The following LRMDA variants were observed in gnomAD, a reference collection of about 807,000 sequenced individuals.
LRMDA encodes the protein leucine rich melanocyte differentiation associated.
A neutral mutation model predicts 29.8 loss-of-function variants in LRMDA; 18 were observed. That is an observed-to-expected ratio of 0.60 (90% CI 0.42 to 0.90). LRMDA has a LOEUF of 0.90. Among genes scored for constraint, LRMDA ranks in the 40% least tolerant of loss-of-function variants. LRMDA has a pLI of 0.00. For missense variants in LRMDA, 273 were observed against 273.9 expected (o/e 1.00, Z 0.02); for synonymous variants, 125 against 109.4 (o/e 1.14, Z -0.89).
At chr10:75,776,628 T>C (rs142576044) in intron 2 of LRMDA, among the ~76,000 whole-genome samples, 546 of 152,306 alleles carry the variant, frequency 3.6e-3, no homozygotes, top group Non-Finnish European at 3.8e-3. Flanking sequence ...AGTAAATCAA[T>C]TGGACACTAT....
chr10:76,432,937 C>T (rs1842207113), intron 6 of LRMDA, among the ~76,000 whole-genome samples: 1 of 152,174 alleles, frequency 6.6e-6, no homozygotes, highest in Non-Finnish European at 1.5e-5. Context: ...GTGCCACCAC[C>T]CTAATGGCAG....
At chr10:76,125,209 C>A (rs75319726) in intron 5 of LRMDA, among the ~76,000 whole-genome samples, 34 of 152,252 alleles carry the variant, frequency 2.2e-4, no homozygotes, top group African/African-American at 8.2e-4. Flanking sequence ...CAATAGAAAT[C>A]GCTGTTTCCA....
chr10:76,383,413 T>G (rs1177169726), intron 6 of LRMDA, among the ~76,000 whole-genome samples: 3 of 134,750 alleles, frequency 2.2e-5, no homozygotes, highest in Non-Finnish European at 4.6e-5. Context: ...CCAATGTCTT[T>G]TCTTTTTTTT....
At chr10:75,534,808 T>C (rs2132045259) in intron 2 of LRMDA, among the ~76,000 whole-genome samples, 1 of 152,290 alleles carries the variant, frequency 6.6e-6, no homozygotes, top group East Asian at 1.9e-4. Flanking sequence ...CCTAAGGAAA[T>C]AGATATGATG....
At chr10:76,131,763 C>T (rs1391728233) in intron 5 of LRMDA, among the ~76,000 whole-genome samples, 2 of 152,080 alleles carry the variant, frequency 1.3e-5, no homozygotes, top group African/African-American at 4.8e-5. Flanking sequence ...TAGCCATGCA[C>T]ATTCTCTCTG....
chr10:76,522,905 C>G (rs898317480), intron 6 of LRMDA, among the ~76,000 whole-genome samples: 19 of 152,048 alleles, frequency 1.2e-4, no homozygotes, highest in Non-Finnish European at 2.5e-4. Flanking sequence ...AATTTACCGC[C>G]TCATCCCCAA....
At chr10:75,829,841 CTTTTTTTT>C (rs34025294) in intron 2 of LRMDA, among the ~76,000 whole-genome samples, 3 of 89,470 alleles carry the variant, frequency 3.4e-5, no homozygotes, top group South Asian at 4.4e-4. Flanking sequence ...GAATAGGCCA[CTTTTTTTT>C]TTTTTTTTTT....
chr10:75,450,637 GATTT>G (rs1170811087), intron 2 of LRMDA: 2 of 152,154 alleles, frequency 1.3e-5, no homozygotes, highest in African/African-American at 4.8e-5. Flanking sequence ...TTCCTTGATG[GATTT>G]ATTTATAAGG....
intron 5 of LRMDA, among the ~76,000 whole-genome samples, chr10:76,236,535 C>A (rs1035136900): frequency 1.3e-5 from 2 of 152,230 alleles, no homozygotes; most frequent in Admixed American, 6.5e-5. Context: ...ACTCTGCACT[C>A]TTTAACCAAT....
chr10:76,502,747 TTTC>T (rs929922763), intron 6 of LRMDA, among the ~76,000 whole-genome samples: 2 of 151,072 alleles, frequency 1.3e-5, no homozygotes, highest in African/African-American at 4.9e-5. Context: ...CTTTTTTTTC[TTTC>T]TTTTTTTTTT....
intron 2 of LRMDA, among the ~76,000 whole-genome samples, chr10:75,649,312 T>C (rs1450621224): frequency 6.6e-6 from 1 of 152,234 alleles, no homozygotes; most frequent in African/African-American, 2.4e-5. Flanking sequence ...TGAATAATAT[T>C]GCACTGTATG....
intron 2 of LRMDA, among the ~76,000 whole-genome samples, chr10:75,494,654 C>T (rs1367448716): frequency 1.3e-5 from 2 of 151,188 alleles, no homozygotes; most frequent in East Asian, 2.0e-4. Flanking sequence ...GTGTGTGTCA[C>T]CACACCGGGC....
chr10:76,502,695 G>A (rs991125016), intron 6 of LRMDA, among the ~76,000 whole-genome samples: 4 of 151,110 alleles, frequency 2.6e-5, no homozygotes, highest in African/African-American at 7.3e-5. Context: ...GCTGATTTTT[G>A]TACATTGATC....
chr10:75,543,352 A>G (rs1840042932), intron 2 of LRMDA, among the ~76,000 whole-genome samples: 1 of 152,210 alleles, frequency 6.6e-6, no homozygotes, highest in South Asian at 2.1e-4. Context: ...CTAAATTTAT[A>G]TGGTTATAAA....
At chr10:76,471,154 A>C (rs1430667359) in intron 6 of LRMDA, among the ~76,000 whole-genome samples, 1 of 151,744 alleles carries the variant, frequency 6.6e-6, no homozygotes, top group Non-Finnish European at 1.5e-5. Context: ...TGATAAATAG[A>C]AAGGGAAATA....
At chr10:75,782,824 C>A in intron 2 of LRMDA, 1 of 1,463,522 alleles carries the variant, frequency 6.8e-7, no homozygotes, top group Non-Finnish European at 9.0e-7. Context: ...CTTTAGCCAG[C>A]GCCGGCGTGC....
At chr10:75,809,790 A>G (rs977543493) in intron 2 of LRMDA, among the ~76,000 whole-genome samples, 7 of 152,220 alleles carry the variant, frequency 4.6e-5, no homozygotes, top group South Asian at 2.1e-4. Flanking sequence ...AGGGCTTGCA[A>G]AGGGGCATGT....
chr10:76,311,028 AT>A (rs1160238927), intron 5 of LRMDA, among the ~76,000 whole-genome samples: 4 of 151,490 alleles, frequency 2.6e-5, no homozygotes, highest in South Asian at 4.2e-4. Flanking sequence ...ACTCACTTGC[AT>A]TTTTTTTTCA....
At chr10:76,230,756 T>A (rs192697505) in intron 5 of LRMDA, among the ~76,000 whole-genome samples, 17 of 152,324 alleles carry the variant, frequency 1.1e-4, no homozygotes, top group African/African-American at 3.6e-4. Context: ...AAATTTGCAG[T>A]GAAACTGAGA....
Sources: gnomAD v4.1 joint callset for allele counts (sites outside exome capture counted in the v4.1 genomes callset) on GRCh38, gnomAD v4.1.1 for gene constraint, MANE v1.5 for transcripts, NCBI Gene and HGNC (gene_info 2026-07-23, HGNC 2026-07-21) for gene names.